The following LRFN2 variants were observed in gnomAD, a reference collection of about 807,000 sequenced individuals.
The protein encoded by LRFN2 is leucine-rich repeat and fibronectin type-III domain-containing protein 2.
LRFN2 carries 18 observed loss-of-function variants against 37.3 expected under a neutral mutation model. That is an observed-to-expected ratio of 0.48 (90% confidence interval 0.33 to 0.72). The LOEUF (loss-of-function observed/expected upper bound fraction) is 0.72, where lower values mean the gene tolerates loss of function less well. Ranked by LOEUF, LRFN2 falls within the 30% of genes least tolerant of loss-of-function variation. The pLI is 0.02. For synonymous variants in LRFN2, 556 were observed against 466.6 expected (o/e 1.19, Z -2.47); for missense variants, 1,006 against 1,060.7 (o/e 0.95, Z 0.72).
intron 1 of LRFN2, among the ~76,000 whole-genome samples, chr6:40,478,669 G>C (rs1362483473): frequency 6.6e-6 from 1 of 152,228 alleles, no homozygotes; most frequent in Admixed American, 6.5e-5. Context: ...AGCTGAGCCA[G>C]GGCTTGAGCT....
chr6:40,497,590 T>A (rs1281377754), intron 1 of LRFN2, among the ~76,000 whole-genome samples: 5 of 152,220 alleles, frequency 3.3e-5, no homozygotes, highest in Non-Finnish European at 7.3e-5. Context: ...TGACATCATG[T>A]CTATGGGGAA....
At position 40,432,243 on chromosome 6, in the gene LRFN2, T is replaced by C; in HGVS notation, c.871A>G (p.Ile291Val). 2 of 1,613,954 alleles carry C rather than the reference T, an allele frequency of 1.2e-6. No individual in the cohort carries two copies. Among genetic ancestry groups the C allele is most frequent in the Non-Finnish European group, 1.7e-6 (2 of 1,180,000 alleles). ...EEEFVCEPPL[I>V]TQHTHKLLVL... is the part of the protein sequence containing the mutation. The stretch of plus-strand genomic sequence containing the variant: ...AGCAACTTGTGTGTGTGCTGGGTGA[T>C]GAGAGGCGGCTCGCACACAAACTCC... Residue 291 changes from isoleucine to valine, a missense_variant, in exon 2 of 3, where the codon ATC (isoleucine) becomes GTC (valine). Coordinates refer to ENST00000338305, the MANE Select transcript of LRFN2 (RefSeq NM_020737.3).
At chr6:40,481,266 T>C (rs1764821669) in intron 1 of LRFN2, among the ~76,000 whole-genome samples, 1 of 151,820 alleles carries the variant, frequency 6.6e-6, no homozygotes, top group Non-Finnish European at 1.5e-5. Context: ...TAAAACTCCA[T>C]CTCTACAAAA....
intron 1 of LRFN2, among the ~76,000 whole-genome samples, chr6:40,541,601 GC>G (rs1293207960): frequency 1.3e-5 from 2 of 152,178 alleles, no homozygotes; most frequent in Non-Finnish European, 2.9e-5. Flanking sequence ...AGCCTCCTCT[GC>G]CCACCCAGAG....
At chr6:40,490,558 TGCCCCTCTTCA>T (rs1765066913) in intron 1 of LRFN2, among the ~76,000 whole-genome samples, 1 of 152,210 alleles carries the variant, frequency 6.6e-6, no homozygotes. Context: ...CTTTCCTCTT[TGCCCCTCTTCA>T]GCCCTGCCGA....
chr6:40,477,005 C>T (rs1380084433), intron 1 of LRFN2, among the ~76,000 whole-genome samples: 1 of 152,230 alleles, frequency 6.6e-6, no homozygotes, highest in Non-Finnish European at 1.5e-5. Context: ...TTTAATTAAA[C>T]TCACCTTCGA....
At chr6:40,461,188 C>T (rs2113849931) in intron 1 of LRFN2, among the ~76,000 whole-genome samples, 1 of 152,210 alleles carries the variant, frequency 6.6e-6, no homozygotes, top group Middle Eastern at 3.4e-3. Flanking sequence ...GGGAAGATGG[C>T]TTGAGGCCAG....
intron 1 of LRFN2, among the ~76,000 whole-genome samples, chr6:40,584,979 ACCT>A (rs1395031062): frequency 2.0e-5 from 3 of 151,504 alleles, no homozygotes; most frequent in Admixed American, 2.0e-4. Context: ...CCTCAGCCTC[ACCT>A]CCTGGAAGCT....
rs189985230 is a variant in LRFN2, at chr6:40,393,062, G to A, written c.1401-150C>T. 4.3e-3 allele frequency: 3,016 copies of A among 698,114 alleles called. 30 individuals carry two copies. Among genetic ancestry groups the A allele is most frequent in the South Asian group, 0.018 (943 of 52,236 alleles). The allele number at this position is 698,114 out of a possible 1,614,324, so 43.2% of individuals were successfully genotyped here. A position where few individuals can be genotyped will look rare whatever the true frequency, so the allele number is the denominator to read the frequency against. ...AGACACGGGGACACAGAGAGAATGGGGCAGAGGGAAAGAAAGGGACAGAGG... is the reference window on the plus strand; with the variant it reads ...AGACACGGGGACACAGAGAGAATGGAGCAGAGGGAAAGAAAGGGACAGAGG... On this transcript the variant is annotated intron_variant, in intron 2 of 2. Coordinates refer to ENST00000338305, the MANE Select transcript of LRFN2 (RefSeq NM_020737.3).
At chr6:40,527,890 T>C (rs1385894657) in intron 1 of LRFN2, among the ~76,000 whole-genome samples, 1 of 152,218 alleles carries the variant, frequency 6.6e-6, no homozygotes, top group Non-Finnish European at 1.5e-5. Flanking sequence ...CTGCCAGACA[T>C]AACAATAATC....
chr6:40,512,754 G>T (rs755940605), intron 1 of LRFN2, among the ~76,000 whole-genome samples: 1 of 152,170 alleles, frequency 6.6e-6, no homozygotes, highest in African/African-American at 2.4e-5. Flanking sequence ...CTACCAGGAG[G>T]GTGCCAGAGA....
At chr6:40,502,958 A>C (rs1001266674) in intron 1 of LRFN2, among the ~76,000 whole-genome samples, 2 of 152,250 alleles carry the variant, frequency 1.3e-5, no homozygotes, top group East Asian at 3.9e-4. Context: ...GAGATTCAGC[A>C]TGCCAGCAGT....
In LRFN2 at chr6:40,399,524, G is replaced by A. The variant is rs530891503; in HGVS notation, c.1401-6612C>T. On this transcript the variant is annotated intron_variant, in intron 2 of 2. Transcript: ENST00000338305. ...GATCTCTCGGCTCACTGCAACCTCCGCCTCAGGGGCTCAAGCGATTCTTGT... is the reference window on the plus strand; with the variant it reads ...GATCTCTCGGCTCACTGCAACCTCCACCTCAGGGGCTCAAGCGATTCTTGT... Among the ~76,000 whole-genome samples the A allele has an allele frequency of 5.2e-4, 70 of 133,598 alleles. 2 individuals are homozygous for A. The highest frequency in any genetic ancestry group is 4.1e-3 in the South Asian group (16 of 3,922). 87.6% of individuals were successfully genotyped at this position (133,598 alleles called of 152,430 possible).
chr6:40,532,069 A>T (rs1390583373), intron 1 of LRFN2, among the ~76,000 whole-genome samples: 1 of 152,120 alleles, frequency 6.6e-6, no homozygotes. Context: ...TTCCAATCTC[A>T]TCTCCTGAAG....
In LRFN2 at chr6:40,451,682, C is replaced by T. The variant is rs545827904; in HGVS notation, c.-18-18551G>A. On this transcript the variant is annotated intron_variant, in intron 1 of 2. Coordinates refer to ENST00000338305, the MANE Select transcript of LRFN2 (RefSeq NM_020737.3). ...GTCTCCTGACAATTACGAGAAGGAG[C>T]TGTAGTGCCAGGCAGCAGCCTTGTG... is the stretch of plus-strand genomic sequence containing the variant. 3.2e-4 allele frequency among the ~76,000 whole-genome samples: 49 copies of T among 152,306 alleles called. 2 individuals are homozygous for T. Among genetic ancestry groups the T allele is most frequent in the Admixed American group, 2.9e-3 (44 of 15,304 alleles).
chr6:40,572,808 G>T (rs1312145918), intron 1 of LRFN2, among the ~76,000 whole-genome samples: 1 of 152,202 alleles, frequency 6.6e-6, no homozygotes, highest in Non-Finnish European at 1.5e-5. Context: ...GGGGCTGCTG[G>T]TGGGCTCCTA....
At chr6:40,428,234 G>A (rs923730390) in intron 2 of LRFN2, among the ~76,000 whole-genome samples, 1 of 152,190 alleles carries the variant, frequency 6.6e-6, no homozygotes, top group South Asian at 2.1e-4. Flanking sequence ...GAGGCAAGTT[G>A]CAAGTTGCAA....
chr6:40,488,473 C>A (rs1765017238), intron 1 of LRFN2, among the ~76,000 whole-genome samples: 1 of 152,092 alleles, frequency 6.6e-6, no homozygotes, highest in African/African-American at 2.4e-5. Context: ...CTCCCTCCTG[C>A]AGGAAGCCTT....
chr6:40,583,367 T>C (rs975736063), intron 1 of LRFN2, among the ~76,000 whole-genome samples: 1 of 152,024 alleles, frequency 6.6e-6, no homozygotes, highest in African/African-American at 2.4e-5. Flanking sequence ...CCCACCCAAT[T>C]ATGTGAACCA....
Sources: gnomAD v4.1 joint callset for allele counts (sites outside exome capture counted in the v4.1 genomes callset) on GRCh38, gnomAD v4.1.1 for gene constraint, MANE v1.5 for transcripts, NCBI Gene and HGNC (gene_info 2026-07-23, HGNC 2026-07-21) for gene names.